Variants in UTY observed in about 807,000 individuals in gnomAD.
The protein encoded by UTY is histone demethylase UTY.
A neutral mutation model predicts 32.5 loss-of-function variants in UTY; 12 were observed. The observed-to-expected ratio is 0.37, with a 90% CI of 0.24 to 0.60. UTY has a LOEUF of 0.60. Among genes scored for constraint, UTY ranks in the 20% least tolerant of loss-of-function variants. UTY has a pLI of 0.69. For synonymous variants in UTY, 131 were observed against 103.4 expected, an observed-to-expected ratio of 1.27 and a Z score of -1.62; for missense variants, 303 against 299.2, an observed-to-expected ratio of 1.01 and a Z score of -0.09.
chrY:13,323,567 C>G lies in UTY; in HGVS notation c.3264G>C (p.Gln1088His). Residue 1088 changes from glutamine to histidine, a missense_variant, in exon 21 of 30, where the codon CAG becomes CAC. Transcript: ENST00000545955. Reference protein sequence around the residue: ...KYAQYQASSFQESLREENEKR... With the variant: ...KYAQYQASSFHESLREENEKR... ...AAGAAAAACTTACTCTCAATGATTCCTGGAAGGAGGAAGCCTGGTATTGTG... is the reference window on the plus strand; with the variant it reads ...AAGAAAAACTTACTCTCAATGATTCGTGGAAGGAGGAAGCCTGGTATTGTG... The G allele has an allele frequency of 2.5e-6, 1 of 396,370 alleles. No homozygotes were observed. The highest frequency in any genetic ancestry group is 6.2e-5 in the African/African-American group (1 of 16,179).
intron 27 of UTY, among the ~76,000 whole-genome samples, chrY:13,293,885 A>C: frequency 3.0e-5 from 1 of 33,794 alleles, no homozygotes; most frequent in African/African-American, 1.2e-4. Context: ...AAGAAGTGAA[A>C]CATTTGTACA....
In UTY at chrY:13,359,805, T is replaced by C. The variant is rs1039835776; in HGVS notation, c.1147A>G (p.Asn383Asp). The C allele has an allele frequency of 1.0e-5, 4 of 398,279 alleles. No homozygotes were observed. The highest frequency in any genetic ancestry group is 1.4e-5 in the Non-Finnish European group (4 of 283,290). The change falls in exon 12 of 30, where the codon AAT becomes GAT. Residue 383 changes from asparagine to aspartate, a missense_variant. Asn to Asp is a conservative substitution (Grantham distance 23, BLOSUM62 1). Coordinates refer to ENST00000545955, the MANE Select transcript of UTY (RefSeq NM_001258249.2). Reference sequence around the variant, plus strand: ...ATTCTTGCAGCAAGCGTAGAGGTATTACTACAACGTTTGCTTCTAGCTGCA... The same window carrying C: ...ATTCTTGCAGCAAGCGTAGAGGTATCACTACAACGTTTGCTTCTAGCTGCA... ...LNAARSKRCS[N>D]TSTLAARIKF...
chrY:13,354,031 T>C (rs2149204329), intron 17 of UTY, among the ~76,000 whole-genome samples: 1 of 34,356 alleles, frequency 2.9e-5, no homozygotes, highest in African/African-American at 1.1e-4. Flanking sequence ...TTCAAGAGGA[T>C]TGACTCTAAC....
chrY:13,276,860 C>CAAAACA (rs2056730079), intron 27 of UTY, among the ~76,000 whole-genome samples: 1 of 33,481 alleles, frequency 3.0e-5, no homozygotes, highest in African/African-American at 1.2e-4. Flanking sequence ...TAAGAAAAAA[C>CAAAACA]AAAACAAAAA....
At chrY:13,420,683 C>T (rs2072411006) in intron 4 of UTY, among the ~76,000 whole-genome samples, 1 of 31,873 alleles carries the variant, frequency 3.1e-5, no homozygotes. Flanking sequence ...ACTTGGCTAG[C>T]CATATGCAGA....
intron 8 of UTY, among the ~76,000 whole-genome samples, chrY:13,386,358 C>G (rs2149459274): frequency 6.6e-5 from 2 of 30,327 alleles, no homozygotes; most frequent in South Asian, 1.5e-3. Context: ...CCTCGGCCTC[C>G]CAAAGTGCTG....
chrY:13,259,114 ATTCCT>A (rs2055062567), intron 28 of UTY, among the ~76,000 whole-genome samples: 1 of 34,786 alleles, frequency 2.9e-5, no homozygotes, highest in Non-Finnish European at 7.2e-5. Context: ...AGCCCAACCT[ATTCCT>A]TTAATTCGGC....
chrY:13,277,904 G>A (rs985354483), intron 27 of UTY, among the ~76,000 whole-genome samples: 1 of 33,597 alleles, frequency 3.0e-5, no homozygotes, highest in Non-Finnish European at 7.4e-5. Context: ...GACCAGTGAG[G>A]GAAGCCAAGG....
intron 8 of UTY, among the ~76,000 whole-genome samples, chrY:13,380,709 G>GA (rs2066036251): frequency 6.5e-5 from 2 of 30,763 alleles, no homozygotes; most frequent in East Asian, 8.3e-4. Flanking sequence ...AAACTAGAAG[G>GA]AAAAAAAATT....
At chrY:13,467,149 C>G (rs2077981272) in intron 3 of UTY, among the ~76,000 whole-genome samples, 1 of 34,047 alleles carries the variant, frequency 2.9e-5, no homozygotes, top group African/African-American at 1.2e-4. Context: ...CATGATCCAC[C>G]TGCTTTGGCC....
intron 5 of UTY, among the ~76,000 whole-genome samples, chrY:13,414,022 C>A: frequency 2.9e-5 from 1 of 34,389 alleles, no homozygotes; most frequent in Non-Finnish European, 7.3e-5. Context: ...CCAATGATAA[C>A]AGAAAGTTTT....
chrY:13,238,608 T>C, intron 28 of UTY, among the ~76,000 whole-genome samples: 1 of 33,871 alleles, frequency 3.0e-5, no homozygotes, highest in African/African-American at 1.2e-4. Context: ...TTGAGTGCAC[T>C]GCTGCCACCA....
At chrY:13,466,534 T>C (rs1603479376) in intron 3 of UTY, among the ~76,000 whole-genome samples, 1 of 33,680 alleles carries the variant, frequency 3.0e-5, no homozygotes, top group East Asian at 7.6e-4. Flanking sequence ...TATGTTCTTA[T>C]ACTCTATGTA....
At chrY:13,425,015 A>G in intron 4 of UTY, among the ~76,000 whole-genome samples, 1 of 33,878 alleles carries the variant, frequency 3.0e-5, no homozygotes. Context: ...TAGAATCAAT[A>G]AAGAACTCTC....
chrY:13,262,843 C>A, intron 27 of UTY, among the ~76,000 whole-genome samples: 1 of 32,561 alleles, frequency 3.1e-5, no homozygotes, highest in East Asian at 8.0e-4. Flanking sequence ...GGATTACAGG[C>A]GTGAGCCACC....
chrY:13,400,844 G>A, intron 6 of UTY, among the ~76,000 whole-genome samples: 1 of 32,091 alleles, frequency 3.1e-5, no homozygotes, highest in Admixed American at 2.8e-4. Flanking sequence ...TAGGATCTTT[G>A]TTTGTATTAC....
chrY:13,408,484 G>A, intron 6 of UTY, among the ~76,000 whole-genome samples: 8 of 31,645 alleles, frequency 2.5e-4, no homozygotes, highest in Admixed American at 2.3e-3. Context: ...AGCCCAAAGT[G>A]TCTCTCTGAG....
rs769151861 is a variant in UTY, at chrY:13,415,229, C to T, written c.376-436G>A. ...AGCCTGAAGGTAACTGTGTACAAAA[C>T]GTTTAATAATTTTGAGTATGAAACA... On this transcript the variant is annotated intron_variant, in intron 4 of 29. Coordinates refer to ENST00000545955, the MANE Select transcript of UTY (RefSeq NM_001258249.2). 1.2e-4 allele frequency among the ~76,000 whole-genome samples: 4 copies of T among 33,120 alleles called. No individual in the cohort carries two copies. In the East Asian group the frequency reaches 3.1e-3, roughly 26 times the overall value. 88.9% of individuals were successfully genotyped at this position (33,120 alleles called of 37,273 possible).
At chrY:13,261,988 T>C (rs2055309598) in intron 27 of UTY, among the ~76,000 whole-genome samples, 1 of 33,518 alleles carries the variant, frequency 3.0e-5, no homozygotes, top group Admixed American at 2.7e-4. Flanking sequence ...TGGCACCTAC[T>C]GATGTCTTCC....
Sources: allele counts gnomAD v4.1 joint callset (sites outside exome capture counted in the v4.1 genomes callset), GRCh38; gene constraint gnomAD v4.1.1; transcripts MANE v1.5; gene names NCBI Gene and HGNC (gene_info 2026-07-23, HGNC 2026-07-21).